ASXL2: variants seen among roughly 807,000 people sequenced by gnomAD.
ASXL2 encodes the protein ASXL transcriptional regulator 2.
In ASXL2, 23 loss-of-function variants were observed where a neutral mutation model predicts 122.0. The ratio of observed to expected loss-of-function variants is 0.19; its 90% confidence interval spans 0.14 to 0.27. ASXL2 has a LOEUF of 0.27. ASXL2 is among the 10% of genes least tolerant of loss of function. The pLI is 1.00. For synonymous variants in ASXL2, 650 were observed against 637.0 expected (o/e 1.02, Z -0.31); for missense variants, 1,518 against 1,713.8 (o/e 0.89, Z 2.02).
intron 1 of ASXL2, among the ~76,000 whole-genome samples, chr2:25,865,642 G>T (rs1350834664): frequency 6.7e-6 from 1 of 150,098 alleles, no homozygotes; most frequent in African/African-American, 2.4e-5. Flanking sequence ...AGGCATGGTG[G>T]CGGGCGCCTG....
At chr2:25,809,799 A>C (rs1198440179) in intron 3 of ASXL2, 2 of 422,660 alleles carry the variant, frequency 4.7e-6, no homozygotes, top group Non-Finnish European at 9.2e-6. Context: ...AAAAAGACAC[A>C]GGGGAGGTGG....
intron 11 of ASXL2, among the ~76,000 whole-genome samples, chr2:25,751,414 G>C (rs1490323117): frequency 6.6e-6 from 1 of 152,098 alleles, no homozygotes; most frequent in Admixed American, 6.5e-5. Context: ...TGGGCAGATC[G>C]CTTGAGCACA....
intron 3 of ASXL2, among the ~76,000 whole-genome samples, chr2:25,819,764 T>C (rs940368998): frequency 2.6e-5 from 4 of 152,138 alleles, no homozygotes; most frequent in African/African-American, 7.2e-5. Context: ...AGGACATCAG[T>C]GGGAGAATTA....
chr2:25,795,237 G>A (rs17047144), intron 5 of ASXL2, among the ~76,000 whole-genome samples: 6,459 of 152,172 alleles, frequency 0.042, 211 homozygotes, highest in African/African-American at 0.08. Context: ...TCATCTTACT[G>A]TAAACTGAGG....
chr2:25,742,800 A>G lies in ASXL2; in HGVS notation c.3537T>C (p.Asp1179=), dbSNP rs2087854635. Residue 1179 remains aspartate, a synonymous_variant, in exon 13 of 13, where the codon GAT becomes GAC. Transcript: ENST00000435504. ...CACCAGTACTTTCCTCATCAGTGTC[A>G]TCTTCTTTGCTGCTGCTACTCTCTC... The part of the protein sequence containing the change: ...ATGESSSSKE[D]DTDEESTGDE... 6.2e-7 allele frequency: 1 copy of G among 1,613,810 alleles called. No individual in the cohort carries two copies. Among genetic ancestry groups the G allele is most frequent in the African/African-American group, 1.3e-5 (1 of 74,874 alleles).
At chr2:25,773,217 A>G (rs72799672) in intron 5 of ASXL2, among the ~76,000 whole-genome samples, 2,997 of 152,102 alleles carry the variant, frequency 0.02, 46 homozygotes, top group Non-Finnish European at 0.03. Context: ...CAAAAAAAAA[A>G]AAAGATGCTG....
At chr2:25,863,812 C>T (rs936271828) in intron 1 of ASXL2, among the ~76,000 whole-genome samples, 1 of 151,692 alleles carries the variant, frequency 6.6e-6, no homozygotes, top group East Asian at 1.9e-4. Flanking sequence ...TCGAGACCAG[C>T]CTGGCCAACA....
rs147872484 is a variant in ASXL2 at position 25,739,995 on chromosome 2, G to A, written c.*2034C>T. 3.9e-4 allele frequency: 88 copies of A among 222,790 alleles called. 1 individual carries two copies. Among genetic ancestry groups the A allele is most frequent in the Admixed American group, 1.7e-3 (29 of 17,408 alleles). The allele number at this position is 222,790 out of a possible 1,614,324, so 13.8% of individuals were successfully genotyped here. On this transcript the variant is annotated 3_prime_UTR_variant, in exon 13 of 13. Coordinates refer to ENST00000435504, the MANE Select transcript of ASXL2 (RefSeq NM_018263.6). Reference sequence around the variant, plus strand: ...GATTGCCCAAGGTACTGAATATTTGGGAGCACCATTATTTCTGTTTTCTAC... The same window carrying A: ...GATTGCCCAAGGTACTGAATATTTGAGAGCACCATTATTTCTGTTTTCTAC...
rs2087799824 is a variant in ASXL2 at position 25,739,991 on chromosome 2, T to C, written c.*2038A>G. On this transcript the variant is annotated 3_prime_UTR_variant, in exon 13 of 13. Coordinates refer to ENST00000435504, the MANE Select transcript of ASXL2 (RefSeq NM_018263.6). ...CCTGGATTGCCCAAGGTACTGAATA[T>C]TTGGGAGCACCATTATTTCTGTTTT... is the stretch of plus-strand genomic sequence containing the variant. 4.5e-6 allele frequency: 1 copy of C among 222,188 alleles called. No individual in the cohort carries two copies. Among genetic ancestry groups the C allele is most frequent in the Admixed American group, 5.8e-5 (1 of 17,390 alleles). The allele number at this position is 222,188 out of a possible 1,614,324, so 13.8% of individuals were successfully genotyped here. A position where few individuals can be genotyped will look rare whatever the true frequency, so the allele number is the denominator to read the frequency against.
At chr2:25,853,301 G>A (rs573668789) in intron 1 of ASXL2, among the ~76,000 whole-genome samples, 134 of 152,284 alleles carry the variant, frequency 8.8e-4, no homozygotes, top group Non-Finnish European at 1.1e-3. Flanking sequence ...ATGGTATTTA[G>A]ACAGAAATGT....
chr2:25,860,833 G>A lies in ASXL2; in HGVS notation c.58-15270C>T, dbSNP rs138921261. Among the ~76,000 whole-genome samples, 797 of 152,192 alleles carry A rather than the reference G, an allele frequency of 5.2e-3. 3 individuals are homozygous for A. Among genetic ancestry groups the A allele is most frequent in the Non-Finnish European group, 9.3e-3 (632 of 68,008 alleles). The stretch of plus-strand genomic sequence containing the variant: ...TCAAGACCAGCCTGGGCAACATGGC[G>A]AAATCCCATCCCTACAAAAAATACA... On this transcript the variant is annotated intron_variant, in intron 1 of 12. Transcript: ENST00000435504.
At position 25,737,026 on chromosome 2, in the gene ASXL2, C is replaced by T. The variant is rs1455073819; in HGVS notation, c.*5003G>A. The T allele has an allele frequency of 1.3e-5, 2 of 152,074 alleles. No individual in the cohort carries two copies. The highest frequency in any genetic ancestry group is 2.9e-5 in the Non-Finnish European group (2 of 68,000). The allele number at this position is 152,074 out of a possible 1,614,324, so 9.4% of individuals were successfully genotyped here. On this transcript the variant is annotated 3_prime_UTR_variant, in exon 13 of 13. Transcript: ENST00000435504. ...AACCTCTCCTACCAACTGGCTCAGACCTCATTTCCATAGCTACCCTTCCTG... is the reference window on the plus strand; with the variant it reads ...AACCTCTCCTACCAACTGGCTCAGATCTCATTTCCATAGCTACCCTTCCTG...
Position 25,743,878 on chromosome 2 carries a change from T to C in ASXL2, c.2459A>G (p.His820Arg), listed in dbSNP as rs1574390758. 2 of 1,614,008 alleles carry C rather than the reference T, an allele frequency of 1.2e-6. No individual in the cohort carries two copies. Among genetic ancestry groups the C allele is most frequent in the East Asian group, 4.5e-5 (2 of 44,880 alleles). Residue 820 changes from histidine to arginine, a missense_variant, in exon 13 of 13, where the codon CAT becomes CGT. Around this residue, in one of 8 missense-constraint regions of ASXL2, gnomAD observed 831 missense variants for 833.1 expected, o/e 1.00. Coordinates refer to ENST00000435504, the MANE Select transcript of ASXL2 (RefSeq NM_018263.6). ...RATATVASVS[H>R]PQGPSSCRQE... ...TCTGCAACTACTGGGCCCTTGTGGA[T>C]GGCTGACAGAGGCCACTGTGGCTGT...
intron 8 of ASXL2, among the ~76,000 whole-genome samples, chr2:25,765,329 C>CA (rs1160055867): frequency 6.6e-6 from 1 of 151,562 alleles, no homozygotes; most frequent in Middle Eastern, 3.2e-3. Context: ...ACTGAAAATA[C>CA]AAAAAAATTA....
Position 25,735,323 on chromosome 2 carries a change from T to C in ASXL2, c.*6706A>G, listed in dbSNP as rs1267936579. On this transcript the variant is annotated 3_prime_UTR_variant, in exon 13 of 13. Transcript: ENST00000435504. The stretch of plus-strand genomic sequence containing the variant: ...AACTGAGGACACTCATCCTCCTGGT[T>C]CCTGGACAGAGACTACGTTACATAG... 6.6e-6 allele frequency: 1 copy of C among 152,236 alleles called. No homozygotes were observed. Among genetic ancestry groups the C allele is most frequent in the African/African-American group, 2.4e-5 (1 of 41,460 alleles). The allele number at this position is 152,236 out of a possible 1,614,324, so 9.4% of individuals were successfully genotyped here.
intron 1 of ASXL2, among the ~76,000 whole-genome samples, chr2:25,865,024 T>C (rs2089885357): frequency 6.8e-6 from 1 of 147,932 alleles, no homozygotes; most frequent in African/African-American, 2.5e-5. Flanking sequence ...GGTTTTGCCA[T>C]GTTGGCCAGC....
At chr2:25,746,070 ACTGGTT>A (rs1431209480) in intron 12 of ASXL2, among the ~76,000 whole-genome samples, 1 of 152,168 alleles carries the variant, frequency 6.6e-6, no homozygotes, top group Non-Finnish European at 1.5e-5. Flanking sequence ...TCTTCTAGTA[ACTGGTT>A]GAGTTTAAAG....
intron 3 of ASXL2, among the ~76,000 whole-genome samples, chr2:25,827,579 AT>A (rs2089392757): frequency 6.6e-6 from 1 of 152,234 alleles, no homozygotes; most frequent in African/African-American, 2.4e-5. Flanking sequence ...AAAAGAAATA[AT>A]ATAAATGTAG....
intron 2 of ASXL2, among the ~76,000 whole-genome samples, chr2:25,839,872 T>A (rs2089557075): frequency 6.6e-6 from 1 of 151,454 alleles, no homozygotes; most frequent in South Asian, 2.1e-4. Flanking sequence ...ACTATAGGCT[T>A]GCACTACCAT....
Sources: allele counts gnomAD v4.1 joint callset (sites outside exome capture counted in the v4.1 genomes callset), GRCh38; gene constraint gnomAD v4.1.1; regional missense constraint gnomAD v4.1.1; transcripts MANE v1.5; gene names NCBI Gene and HGNC (gene_info 2026-07-23, HGNC 2026-07-21).